Variants in MBD3L1 observed in about 807,000 individuals in gnomAD.
MBD3L1 encodes methyl-CpG binding domain protein 3 like 1, also known as methyl-CpG-binding domain protein 3-like 1.
For synonymous variants in MBD3L1, 84 were observed against 85.1 expected (o/e 0.99, Z 0.07); for missense variants, 203 against 230.1 (o/e 0.88, Z 0.76).
At chr19:8,833,862 C>CT (rs144888722) in intron 1 of MBD3L1, among the ~76,000 whole-genome samples, 2,623 of 152,194 alleles carry the variant, frequency 0.017, 69 homozygotes, top group African/African-American at 0.057. Flanking sequence ...TGGCGGATGC[C>CT]TTGTAATCCC....
Position 8,842,859 on chromosome 19 carries a change from A to G in MBD3L1, c.181A>G (p.Lys61Glu), listed in dbSNP as rs1316907185. 1.9e-6 allele frequency: 3 copies of G among 1,613,970 alleles called. No homozygotes were observed. The highest frequency in any genetic ancestry group is 2.5e-6 in the Non-Finnish European group (3 of 1,180,044). The change falls in exon 3 of 3, where the codon AAG becomes GAG. Residue 61 changes from lysine to glutamate, a missense_variant. Physicochemically the swap from Lys to Glu is moderately conservative, Grantham distance 56. Coordinates refer to ENST00000595891, the MANE Select transcript of MBD3L1 (RefSeq NM_001393532.1). ...RYHQWEESLE[K>E]PQQVCWQRRL... is the part of the protein sequence containing the mutation. ...CCATCAATGGGAGGAGAGCTTGGAG[A>G]AGCCTCAGCAGGTCTGCTGGCAGAG...
chr19:8,841,374 G>A (rs1351119165), intron 2 of MBD3L1, among the ~76,000 whole-genome samples: 7 of 151,980 alleles, frequency 4.6e-5, no homozygotes, highest in African/African-American at 1.7e-4. Context: ...GAATCCAAGA[G>A]TGCTAGGAAT....
chr19:8,834,649 C>A (rs545654518), intron 1 of MBD3L1, among the ~76,000 whole-genome samples: 77 of 138,874 alleles, frequency 5.5e-4, no homozygotes, highest in African/African-American at 1.8e-3. Flanking sequence ...AAAAAAAAAA[C>A]CAACCAACCA....
chr19:8,832,737 C>T lies in MBD3L1; in HGVS notation c.-107+215C>T, dbSNP rs778655912. Among the ~76,000 whole-genome samples the T allele has an allele frequency of 1.3e-3, 193 of 151,182 alleles. 1 individual carries two copies. The highest frequency in any genetic ancestry group is 1.9e-3 in the Admixed American group (29 of 15,228). On this transcript the variant is annotated intron_variant, in intron 1 of 2. Coordinates refer to ENST00000595891, the MANE Select transcript of MBD3L1 (RefSeq NM_001393532.1). ...AGTTCTCGGGGCGGATGGTATAAGG[C>T]TTCTAGAGCGGGGATGACTGAGCAG...
In MBD3L1 at chr19:8,843,141, A is replaced by C; in HGVS notation, c.463A>C (p.Arg155=). 1 of 1,613,678 alleles carries C rather than the reference A, an allele frequency of 6.2e-7. No individual in the cohort carries two copies. The part of the protein sequence containing the change: ...KQFLVTEEDI[R]KQEGKVKTVR... ...ATTTCTGGTTACTGAGGAAGATATC[A>C]GGAAACAGGAAGGGAAAGTGAAGAC... The change falls in exon 3 of 3, where the codon AGG becomes CGG. Residue 155 remains arginine, a synonymous_variant. Transcript: ENST00000595891.
At chr19:8,834,867 A>G (rs1007167475) in intron 1 of MBD3L1, among the ~76,000 whole-genome samples, 5 of 152,162 alleles carry the variant, frequency 3.3e-5, no homozygotes, top group African/African-American at 9.7e-5. Context: ...GAAAAAATAT[A>G]TAAATTGGAC....
intron 2 of MBD3L1, among the ~76,000 whole-genome samples, chr19:8,841,555 GATTT>G (rs1296371724): frequency 1.3e-5 from 2 of 151,968 alleles, no homozygotes; most frequent in Admixed American, 6.6e-5. Context: ...TAAGTTTTCC[GATTT>G]ATTTATTTAT....
At chr19:8,838,268 A>AAAAAAAAAAAAAAAAAAAAAAAAAAAC (rs1568483815) in intron 1 of MBD3L1, among the ~76,000 whole-genome samples, 1 of 144,064 alleles carries the variant, frequency 6.9e-6, no homozygotes, top group Non-Finnish European at 1.5e-5. Flanking sequence ...AAAAAAAAAA[A>AAAAAAAAAAAAAAAAAAAAAAAAAAAC]AAAAAAAAAA....
At chr19:8,839,814 C>A (rs1169458499) in intron 1 of MBD3L1, among the ~76,000 whole-genome samples, 4 of 151,720 alleles carry the variant, frequency 2.6e-5, no homozygotes, top group Non-Finnish European at 5.9e-5. Context: ...AGGAGGGGGT[C>A]CCAGGAAGTT....
chr19:8,836,466 C>T (rs935488741), intron 1 of MBD3L1, among the ~76,000 whole-genome samples: 2 of 150,526 alleles, frequency 1.3e-5, no homozygotes, highest in African/African-American at 4.9e-5. Flanking sequence ...CCTCCTCCTC[C>T]CCCCCTCTCC....
intron 2 of MBD3L1, among the ~76,000 whole-genome samples, chr19:8,841,644 G>A (rs913127462): frequency 3.9e-5 from 6 of 151,988 alleles, no homozygotes; most frequent in Middle Eastern, 3.4e-3. Flanking sequence ...GCCACCTCCA[G>A]CTCCCGGGTT....
At chr19:8,833,982 C>G (rs2044422513) in intron 1 of MBD3L1, among the ~76,000 whole-genome samples, 1 of 148,098 alleles carries the variant, frequency 6.8e-6, no homozygotes, top group African/African-American at 2.4e-5. Context: ...AGCAAGACTC[C>G]ATCTCAAAAA....
chr19:8,840,279 A>T (rs998527573), intron 1 of MBD3L1, among the ~76,000 whole-genome samples: 8 of 152,142 alleles, frequency 5.3e-5, no homozygotes, highest in African/African-American at 1.9e-4. Context: ...TGAGGCTCAG[A>T]TCACTCTTGG....
chr19:8,835,475 A>G (rs1206488410), intron 1 of MBD3L1, among the ~76,000 whole-genome samples: 5 of 152,256 alleles, frequency 3.3e-5, no homozygotes, highest in Non-Finnish European at 5.9e-5. Flanking sequence ...AAACTTCAAT[A>G]AAATACTACT....
intron 1 of MBD3L1, among the ~76,000 whole-genome samples, chr19:8,840,453 A>G (rs545525837): frequency 3.9e-5 from 6 of 152,148 alleles, no homozygotes; most frequent in African/African-American, 1.2e-4. Context: ...TCAGACATGT[A>G]TCATCACCCC....
intron 1 of MBD3L1, among the ~76,000 whole-genome samples, chr19:8,834,847 G>T (rs2044437502): frequency 6.6e-6 from 1 of 151,950 alleles, no homozygotes; most frequent in Admixed American, 6.6e-5. Context: ...ATCAAAAACA[G>T]GTGGCGAAAG....
At position 8,843,114 on chromosome 19, in the gene MBD3L1, C is replaced by T; in HGVS notation, c.436C>T (p.Gln146Ter). Residue 146 changes from glutamine to a stop codon, truncating the protein, a stop_gained, in exon 3 of 3, where the codon CAA becomes TAA. Transcript: ENST00000595891. LOFTEE classifies it low-confidence loss of function (END_TRUNC). ...GVGISQLLCK[Q>*]FLVTEEDIRK... ...GGGTATCTCGCAGCTCCTCTGCAAA[C>T]AATTTCTGGTTACTGAGGAAGATAT... 6.2e-7 allele frequency: 1 copy of T among 1,613,668 alleles called. No individual in the cohort carries two copies. Among genetic ancestry groups the T allele is most frequent in the Non-Finnish European group, 8.5e-7 (1 of 1,179,808 alleles).
chr19:8,840,002 C>G (rs1051990794), intron 1 of MBD3L1, among the ~76,000 whole-genome samples: 4 of 151,782 alleles, frequency 2.6e-5, no homozygotes, highest in Non-Finnish European at 5.9e-5. Flanking sequence ...GCCAACATGG[C>G]GAAACCCCAT....
chr19:8,843,010 G>GTT lies in MBD3L1; in HGVS notation c.333_334insTT (p.Gly112LeufsTer21). 1 of 1,614,228 alleles carries GTT rather than the reference G, an allele frequency of 6.2e-7. No homozygotes were observed. The highest frequency in any genetic ancestry group is 1.1e-5 in the South Asian group (1 of 91,086). ...GGATCTCTGCTGGAGGATCTTGCCA[G>GTT]TGGTCTGGAGCACTCCTGCCCCATG... On this transcript the variant is annotated frameshift_variant, in exon 3 of 3. Coordinates refer to ENST00000595891, the MANE Select transcript of MBD3L1 (RefSeq NM_001393532.1). LOFTEE classifies it low-confidence loss of function (END_TRUNC).
Sources: gnomAD v4.1 joint callset for allele counts (sites outside exome capture counted in the v4.1 genomes callset) on GRCh38, gnomAD v4.1.1 for gene constraint, MANE v1.5 for transcripts, NCBI Gene and HGNC (gene_info 2026-07-23, HGNC 2026-07-21) for gene names.